Variants in FNDC1 observed in about 807,000 individuals in gnomAD.
The protein encoded by FNDC1 is fibronectin type III domain-containing protein 1.
A neutral mutation model predicts 168.0 loss-of-function variants in FNDC1; 96 were observed. The observed-to-expected ratio is 0.57, with a 90% confidence interval of 0.48 to 0.68. The LOEUF (loss-of-function observed/expected upper bound fraction) is 0.68, where lower values mean the gene tolerates loss of function less well. FNDC1 is among the 30% of genes least tolerant of loss of function. The pLI is 0.00. For missense variants in FNDC1, 2,587 were observed against 2,482.1 expected (o/e 1.04, Z -0.90); for synonymous variants, 1,099 against 1,025.9 (o/e 1.07, Z -1.36).
intron 4 of FNDC1, among the ~76,000 whole-genome samples, chr6:159,211,234 T>A (rs1782600280): frequency 2.0e-5 from 3 of 152,096 alleles, no homozygotes; most frequent in African/African-American, 7.2e-5. Context: ...GTCAGCGCAG[T>A]GGGGTGTCAG....
In FNDC1 at chr6:159,261,225, G is replaced by A. The variant is rs191113525; in HGVS notation, c.5210G>A (p.Gly1737Asp). The change falls in exon 19 of 23, where the codon GGC (glycine) becomes GAC (aspartate). Residue 1737 changes from glycine (G) to aspartate (D), a missense_variant. Coordinates refer to ENST00000297267, the MANE Select transcript of FNDC1 (RefSeq NM_032532.3). ...AAAGTGCAAGCACAAAATCCTCATG[G>A]CTACGGACCTATCAGCCCTTCGGTC... is the stretch of plus-strand genomic sequence containing the variant. Reference protein sequence around the residue: ...YFKVQAQNPHGYGPISPSVSF... With the variant: ...YFKVQAQNPHDYGPISPSVSF... 41 of 1,613,286 alleles carry A rather than the reference G, an allele frequency of 2.5e-5. No individual in the cohort carries two copies. The East Asian group carries it at 8.9e-4, about 35-fold the overall frequency.
intron 14 of FNDC1, 24 bp from the exon 15 acceptor site, chr6:159,246,876 TG>T: frequency 6.4e-7 from 1 of 1,567,892 alleles, no homozygotes; most frequent in Non-Finnish European, 8.8e-7. Context: ...GCTGGATGAC[TG>T]GTCCTTTTCT....
rs1444323972 is a variant in FNDC1 at position 159,267,742 on chromosome 6, A to C, written c.5447-62A>C. ...CAGTCTCCAAAGCTTGTGCAAAAAAACTCCTAAACCAGTTGTGACTTTCTG... is the reference window on the plus strand; with the variant it reads ...CAGTCTCCAAAGCTTGTGCAAAAAACCTCCTAAACCAGTTGTGACTTTCTG... On this transcript the variant is annotated intron_variant, in intron 21 of 22. Coordinates refer to ENST00000297267, the MANE Select transcript of FNDC1 (RefSeq NM_032532.3). 6.3e-6 allele frequency: 10 copies of C among 1,591,266 alleles called. No individual in the cohort carries two copies. In the East Asian group the frequency reaches 1.3e-4, roughly 21 times the overall value.
intron 4 of FNDC1, among the ~76,000 whole-genome samples, chr6:159,204,199 C>T (rs1215706434): frequency 1.3e-5 from 2 of 152,182 alleles, no homozygotes; most frequent in Non-Finnish European, 2.9e-5. Flanking sequence ...GCTTGCGGAC[C>T]AGACATTTCC....
intron 1 of FNDC1, among the ~76,000 whole-genome samples, chr6:159,171,486 C>T (rs759765163): frequency 2.6e-5 from 4 of 152,266 alleles, no homozygotes; most frequent in Non-Finnish European, 4.4e-5. Flanking sequence ...ATGGACCAAG[C>T]GAGCTGCTTG....
chr6:159,189,490 G>C (rs1427352788), intron 1 of FNDC1, among the ~76,000 whole-genome samples: 1 of 152,210 alleles, frequency 6.6e-6, no homozygotes, highest in Non-Finnish European at 1.5e-5. Context: ...ATACAGTGTG[G>C]ATTGGCTTCC....
Position 159,232,448 on chromosome 6 carries a change from G to T in FNDC1, c.1936G>T (p.Asp646Tyr). The T allele has an allele frequency of 6.2e-7, 1 of 1,611,912 alleles. No individual in the cohort carries two copies. The highest frequency in any genetic ancestry group is 2.2e-5 in the East Asian group (1 of 44,814). ...CAGCTTGAATGACAACGACTTGGTG[G>T]ACTCAGACGAAGATGAGCGCGCTGT... ...PASLNDNDLVDSDEDERAVGS... is the reference protein window; with the variant it reads ...PASLNDNDLVYSDEDERAVGS... Residue 646 changes from aspartate to tyrosine, a missense_variant, in exon 11 of 23, where the codon GAC (aspartate) becomes TAC (tyrosine). Asp to Tyr is a radical substitution (Grantham distance 160). Transcript: ENST00000297267. The surrounding 1 kb of genome is among the most constrained non-coding windows in gnomAD (Gnocchi z 4.9).
At chr6:159,196,795 C>T (rs188571768) in intron 1 of FNDC1, among the ~76,000 whole-genome samples, 1 of 152,310 alleles carries the variant, frequency 6.6e-6, no homozygotes, top group African/African-American at 2.4e-5. Flanking sequence ...TTTGGAACCT[C>T]ATAAGTCAAG....
At chr6:159,187,991 G>A (rs1782039158) in intron 1 of FNDC1, among the ~76,000 whole-genome samples, 1 of 152,046 alleles carries the variant, frequency 6.6e-6, no homozygotes, top group Admixed American at 6.6e-5. Flanking sequence ...CTGATTATCT[G>A]TTGACTTTTT....
chr6:159,174,679 G>A lies in FNDC1; in HGVS notation c.109+4974G>A, dbSNP rs187119311. The stretch of plus-strand genomic sequence containing the variant: ...CAGATCACTAATTAAGAGTCGAAAT[G>A]GCTGCGTGTTAGCAAATTCAAATAA... On this transcript the variant is annotated intron_variant, in intron 1 of 22. Transcript: ENST00000297267. 7.0e-3 allele frequency among the ~76,000 whole-genome samples: 1,060 copies of A among 152,364 alleles called. 3 individuals are homozygous for A. The highest frequency in any genetic ancestry group is 0.01 in the Non-Finnish European group (686 of 68,038).
chr6:159,256,963 A>G (rs1266727011), intron 18 of FNDC1, among the ~76,000 whole-genome samples: 2 of 152,228 alleles, frequency 1.3e-5, no homozygotes, highest in Non-Finnish European at 2.9e-5. Context: ...AGGCATCATG[A>G]CCTTCATATG....
chr6:159,248,311 ATT>A (rs10715076), intron 15 of FNDC1, among the ~76,000 whole-genome samples: 1 of 147,436 alleles, frequency 6.8e-6, no homozygotes. Context: ...AGAAAAAAGA[ATT>A]TTTTTTTTTT....
At chr6:159,225,405 G>T in intron 7 of FNDC1, 130 bp from the exon 8 acceptor site, 1 of 723,496 alleles carries the variant, frequency 1.4e-6, no homozygotes. Flanking sequence ...CAAAAGTTTA[G>T]ATTTTTCTCC....
intron 1 of FNDC1, among the ~76,000 whole-genome samples, chr6:159,175,532 C>T (rs1205885031): frequency 6.6e-6 from 1 of 152,214 alleles, no homozygotes; most frequent in Non-Finnish European, 1.5e-5. Flanking sequence ...GAGTTTACTT[C>T]TGTAACATTG....
In FNDC1 at chr6:159,217,189, T is replaced by C. The variant is rs138365829; in HGVS notation, c.667+2038T>C. Among the ~76,000 whole-genome samples, 648 of 151,912 alleles carry C rather than the reference T, an allele frequency of 4.3e-3. 5 individuals carry two copies. The highest frequency in any genetic ancestry group is 0.015 in the African/African-American group (631 of 41,418). On this transcript the variant is annotated intron_variant, in intron 5 of 22. Transcript: ENST00000297267. Reference sequence around the variant, plus strand: ...AGATGGATGAGACCAGACAAGGGCGTGGTAAAGGAGGAGAGGGGAGAGTTG... The same window carrying C: ...AGATGGATGAGACCAGACAAGGGCGCGGTAAAGGAGGAGAGGGGAGAGTTG...
chr6:159,204,405 C>T (rs1782445363), intron 4 of FNDC1, among the ~76,000 whole-genome samples: 1 of 152,186 alleles, frequency 6.6e-6, no homozygotes, highest in Non-Finnish European at 1.5e-5. Context: ...AATCTAGACT[C>T]CTGGAATCCC....
intron 17 of FNDC1, 96 bp downstream of exon 17, chr6:159,251,628 T>C (rs995510483): frequency 4.7e-6 from 5 of 1,062,612 alleles, no homozygotes; most frequent in Admixed American, 2.0e-5. Context: ...CATGCATGGA[T>C]GAGTGGGTTG....
Position 159,215,093 on chromosome 6 carries a change from G to A in FNDC1, c.609G>A (p.Arg203=). 2 of 1,614,052 alleles carry A rather than the reference G, an allele frequency of 1.2e-6. No homozygotes were observed. The highest frequency in any genetic ancestry group is 3.3e-4 in the Middle Eastern group (2 of 6,062). The change falls in exon 5 of 23, where the codon CGG becomes CGA. Residue 203 remains arginine, a synonymous_variant. Transcript: ENST00000297267. ...GFLLGYGESG[R]KMNYVPLTRD... ...TCCTGGGCTACGGGGAGAGTGGCCG[G>A]AAGATGAATTATGTTCCACTGACAA...
At chr6:159,234,506 C>A (rs761724241) in intron 11 of FNDC1, 27 bp downstream of exon 11, 1 of 1,608,310 alleles carries the variant, frequency 6.2e-7, no homozygotes, top group Admixed American at 1.7e-5. Context: ...AACAGTCTTT[C>A]TTTAAGGTGT....
Sources: allele counts gnomAD v4.1 joint callset (sites outside exome capture counted in the v4.1 genomes callset), GRCh38; gene constraint gnomAD v4.1.1; non-coding constraint Gnocchi (gnomAD v3.1); transcripts MANE v1.5; gene names NCBI Gene and HGNC (gene_info 2026-07-23, HGNC 2026-07-21).